Variants in WNT2 observed in about 807,000 individuals in gnomAD.
WNT2 encodes Wnt family member 2.
Under a neutral mutation model 36.9 loss-of-function variants are expected in WNT2, and 12 were observed. That is an observed-to-expected ratio of 0.33 (90% CI 0.21 to 0.53). The LOEUF is 0.53. WNT2 is among the 20% of genes least tolerant of loss of function. The probability of loss-of-function intolerance (pLI) is 0.95; values close to 1 mark genes in which losing one functional copy is unlikely to be tolerated. For synonymous variants in WNT2, 163 were observed against 174.6 expected, an observed-to-expected ratio of 0.93 and a Z score of 0.52; for missense variants, 379 against 473.1, an observed-to-expected ratio of 0.80 and a Z score of 1.84.
intron 3 of WNT2, among the ~76,000 whole-genome samples, chr7:117,299,029 C>T (rs183614514): frequency 7.9e-4 from 120 of 151,960 alleles, no homozygotes; most frequent in Middle Eastern, 6.8e-3. Flanking sequence ...CACGAGCCAC[C>T]CCTGGAGGGC....
chr7:117,317,516 C>T (rs1795244647), intron 2 of WNT2, among the ~76,000 whole-genome samples: 2 of 152,062 alleles, frequency 1.3e-5, no homozygotes, highest in Admixed American at 6.5e-5. Context: ...AGATAATAGC[C>T]CTAAAATGTT....
chr7:117,296,616 C>T (rs1794795357), intron 4 of WNT2, among the ~76,000 whole-genome samples: 1 of 152,270 alleles, frequency 6.6e-6, no homozygotes, highest in South Asian at 2.1e-4. Context: ...TAGACTTGTA[C>T]TCATTCTTAT....
chr7:117,286,962 G>A (rs577680803), intron 4 of WNT2, among the ~76,000 whole-genome samples: 124 of 152,358 alleles, frequency 8.1e-4, no homozygotes, highest in African/African-American at 3.0e-3. Flanking sequence ...ATTTCCCACT[G>A]TAGTCCACCT....
chr7:117,279,001 C>A (rs1794432674), intron 4 of WNT2, among the ~76,000 whole-genome samples: 1 of 152,178 alleles, frequency 6.6e-6, no homozygotes, highest in South Asian at 2.1e-4. Flanking sequence ...ACTGTCTCTC[C>A]TGCTGCAGTC....
chr7:117,305,919 G>A (rs976224893), intron 3 of WNT2, among the ~76,000 whole-genome samples: 2 of 152,180 alleles, frequency 1.3e-5, no homozygotes, highest in Admixed American at 1.3e-4. Context: ...CTGCTCATGG[G>A]GAGAAGGGAG....
At chr7:117,308,608 T>A (rs1454832432) in intron 3 of WNT2, among the ~76,000 whole-genome samples, 2 of 152,216 alleles carry the variant, frequency 1.3e-5, no homozygotes, top group African/African-American at 4.8e-5. Flanking sequence ...TAAAAATGCT[T>A]TTCATTTTAT....
At chr7:117,308,840 C>A (rs1181944175) in intron 3 of WNT2, among the ~76,000 whole-genome samples, 1 of 151,856 alleles carries the variant, frequency 6.6e-6, no homozygotes. Flanking sequence ...TAGGTCAGAC[C>A]CATTATTTGT....
chr7:117,278,029 T>C lies in WNT2; in HGVS notation c.*126A>G. On this transcript the variant is annotated 3_prime_UTR_variant, in exon 5 of 5. Transcript: ENST00000265441. ...GGGCCCCCAGGGAGGAAGAGGGGGC[T>C]TCCGTTGAGATAAAGGCCACATGCC... is the stretch of plus-strand genomic sequence containing the variant. The C allele has an allele frequency of 9.0e-7, 1 of 1,110,720 alleles. No homozygotes were observed. The highest frequency in any genetic ancestry group is 1.3e-6 in the Non-Finnish European group (1 of 776,286). The allele number at this position is 1,110,720 out of a possible 1,614,324, so 68.8% of individuals were successfully genotyped here.
chr7:117,287,773 A>C (rs1206379294), intron 4 of WNT2, among the ~76,000 whole-genome samples: 1 of 152,086 alleles, frequency 6.6e-6, no homozygotes, highest in East Asian at 1.9e-4. Context: ...AGATCACTTG[A>C]GGTCAGGAGT....
intron 3 of WNT2, among the ~76,000 whole-genome samples, chr7:117,299,395 G>GT (rs1410915970): frequency 2.0e-5 from 3 of 151,908 alleles, no homozygotes; most frequent in Non-Finnish European, 4.4e-5. Context: ...ATTCTTCCAA[G>GT]TTTATTCTTT....
At chr7:117,320,520 G>A (rs1359933326) in intron 2 of WNT2, 47 bp downstream of exon 2, 4 of 1,546,540 alleles carry the variant, frequency 2.6e-6, no homozygotes, top group Non-Finnish European at 3.5e-6. Context: ...TGAGGGAGCT[G>A]TGCATGAGTG....
chr7:117,289,051 C>CTTTTTTT (rs1187027317), intron 4 of WNT2, among the ~76,000 whole-genome samples: 2 of 89,440 alleles, frequency 2.2e-5, no homozygotes, highest in African/African-American at 9.6e-5. Flanking sequence ...TCACGTTAGA[C>CTTTTTTT]TTTTTTTTTT....
intron 3 of WNT2, among the ~76,000 whole-genome samples, chr7:117,299,847 A>G: frequency 6.6e-6 from 1 of 152,268 alleles, no homozygotes; most frequent in Non-Finnish European, 1.5e-5. Context: ...TTCAAAACTG[A>G]TATTTTTATA....
chr7:117,301,973 A>AT (rs1344456909), intron 3 of WNT2, among the ~76,000 whole-genome samples: 4 of 151,286 alleles, frequency 2.6e-5, no homozygotes, highest in South Asian at 2.1e-4. Context: ...ACGCCTTGCT[A>AT]TTTTTTTGTA....
intron 3 of WNT2, among the ~76,000 whole-genome samples, chr7:117,311,926 G>A (rs1031263070): frequency 6.6e-6 from 1 of 152,094 alleles, no homozygotes; most frequent in African/African-American, 2.4e-5. Context: ...GAAGTCCCAT[G>A]TTCTTTTCTA....
At position 117,281,120 on chromosome 7, in the gene WNT2, A is replaced by G. The variant is rs530004615; in HGVS notation, c.854-2736T>C. Among the ~76,000 whole-genome samples the G allele has an allele frequency of 1.8e-4, 28 of 152,300 alleles. No individual in the cohort carries two copies. In the South Asian group the frequency reaches 5.8e-3, roughly 32 times the overall value. ...TAAACAGCAACCTGGGCAAGATAGA[A>G]CCTTCTGGCAGAAATTCTGAGGGCA... On this transcript the variant is annotated intron_variant, in intron 4 of 4. Transcript: ENST00000265441.
intron 2 of WNT2, among the ~76,000 whole-genome samples, chr7:117,316,833 C>T (rs943571315): frequency 5.3e-5 from 8 of 152,070 alleles, no homozygotes; most frequent in South Asian, 4.1e-4. Context: ...ATGATGGTTA[C>T]GAGAGCTGTT....
chr7:117,292,569 A>T (rs1794711004), intron 4 of WNT2, among the ~76,000 whole-genome samples: 1 of 152,156 alleles, frequency 6.6e-6, no homozygotes, highest in Non-Finnish European at 1.5e-5. Flanking sequence ...CCCATCCAGG[A>T]ATAACCTGGG....
intron 4 of WNT2, among the ~76,000 whole-genome samples, chr7:117,278,694 C>A (rs555135153): frequency 2.0e-5 from 3 of 152,320 alleles, no homozygotes; most frequent in Non-Finnish European, 2.9e-5. Flanking sequence ...ATTATCCTTA[C>A]CCAGCCTTGA....
Sources: allele counts gnomAD v4.1 joint callset (sites outside exome capture counted in the v4.1 genomes callset), GRCh38; gene constraint gnomAD v4.1.1; transcripts MANE v1.5; gene names NCBI Gene and HGNC (gene_info 2026-07-23, HGNC 2026-07-21).